The following WDR93 variants were observed in gnomAD, a reference collection of about 807,000 sequenced individuals.
WDR93 encodes WD repeat domain 93.
A neutral mutation model predicts 82.9 loss-of-function variants in WDR93; 73 were observed. The ratio of observed to expected loss-of-function variants is 0.88; its 90% confidence interval spans 0.73 to 1.07. The LOEUF is 1.07. Ranked by LOEUF, WDR93 falls within the 50% of genes least tolerant of loss-of-function variation. The pLI, the probability that WDR93 is intolerant of heterozygous loss-of-function variation, is 0.00. For synonymous variants in WDR93, 283 were observed against 300.1 expected (o/e 0.94, Z 0.59); for missense variants, 738 against 826.0 (o/e 0.89, Z 1.31).
intron 16 of WDR93, 128 bp downstream of exon 16, chr15:89,738,364 C>G: frequency 1.8e-6 from 2 of 1,138,614 alleles, no homozygotes; most frequent in Non-Finnish European, 2.4e-6. Flanking sequence ...TGGTGGCTCA[C>G]GCCTGTAATC....
intron 3 of WDR93, chr15:89,705,032 C>T (rs1965663675): frequency 6.2e-6 from 1 of 160,938 alleles, no homozygotes; most frequent in Non-Finnish European, 1.3e-5. Context: ...TGGTTGTATA[C>T]TGGAGCCATT....
chr15:89,722,664 G>A (rs1966572851), intron 8 of WDR93, among the ~76,000 whole-genome samples: 5 of 152,168 alleles, frequency 3.3e-5, no homozygotes, highest in Admixed American at 2.6e-4. Context: ...AGGGTAAGAA[G>A]CGACTGACTT....
intron 5 of WDR93, among the ~76,000 whole-genome samples, chr15:89,712,462 T>C (rs1966036082): frequency 6.7e-6 from 1 of 148,940 alleles, no homozygotes; most frequent in Admixed American, 6.7e-5. Context: ...ATTTAGTCAT[T>C]GTGTCTCCTT....
chr15:89,731,910 C>T (rs1201252437), intron 12 of WDR93, among the ~76,000 whole-genome samples: 1 of 152,182 alleles, frequency 6.6e-6, no homozygotes, highest in Non-Finnish European at 1.5e-5. Context: ...TTCCTCTTCC[C>T]AGCCCCCAAG....
At chr15:89,727,521 T>C (rs1280081974) in intron 9 of WDR93, among the ~76,000 whole-genome samples, 193 bp downstream of exon 9, 1 of 152,144 alleles carries the variant, frequency 6.6e-6, no homozygotes, top group African/African-American at 2.4e-5. Context: ...AGCCCCCAAA[T>C]CTGAGACCAG....
chr15:89,701,971 T>G lies in WDR93; in HGVS notation c.225T>G (p.Ile75Met). The change falls in exon 2 of 17, where the codon ATT (isoleucine) becomes ATG (methionine). Residue 75 changes from isoleucine to methionine, a missense_variant. Coordinates refer to ENST00000268130, the MANE Select transcript of WDR93 (RefSeq NM_020212.2). ...TGTTTGACCAGTCTTGGGAAATTAT[T>G]GAAGAGAGAAACGCACTGAGGGAAG... ...NLLFDQSWEI[I>M]EERNALREAE... 4 of 1,613,918 alleles carry G rather than the reference T, an allele frequency of 2.5e-6. No homozygotes were observed. The highest frequency in any genetic ancestry group is 3.4e-6 in the Non-Finnish European group (4 of 1,180,036).
intron 6 of WDR93, among the ~76,000 whole-genome samples, chr15:89,715,899 A>G (rs1966229270): frequency 6.6e-6 from 1 of 152,150 alleles, no homozygotes; most frequent in African/African-American, 2.4e-5. Context: ...TATGTTTTTA[A>G]GATATAGTTG....
chr15:89,738,751 AAAG>A (rs1304833032), intron 16 of WDR93, among the ~76,000 whole-genome samples: 1 of 152,162 alleles, frequency 6.6e-6, no homozygotes, highest in Non-Finnish European at 1.5e-5. Context: ...GGCTGGGAGA[AAAG>A]AAGGGCTTCC....
intron 1 of WDR93, among the ~76,000 whole-genome samples, chr15:89,700,584 G>A (rs1296999046): frequency 1.5e-5 from 2 of 132,540 alleles, no homozygotes; most frequent in Non-Finnish European, 3.1e-5. Context: ...TTTTTTTGAG[G>A]CAAGGTCTCA....
chr15:89,690,562 T>G, upstream of WDR93: 1 of 1,548,870 alleles, frequency 6.5e-7, no homozygotes, highest in Non-Finnish European at 8.7e-7. Context: ...CGGAGGCCGC[T>G]GGCACCTGAC....
At chr15:89,696,447 T>C (rs967864470) in intron 1 of WDR93, among the ~76,000 whole-genome samples, 4 of 151,584 alleles carry the variant, frequency 2.6e-5, no homozygotes, top group Non-Finnish European at 5.9e-5. Flanking sequence ...TCATAAACAT[T>C]TGTGTAGAGG....
chr15:89,721,558 A>G (rs1045597194), intron 7 of WDR93: 2 of 155,144 alleles, frequency 1.3e-5, no homozygotes, highest in African/African-American at 4.8e-5. Flanking sequence ...TGTCTCTCAC[A>G]CACACACGCA....
At chr15:89,695,382 G>T (rs1187551560) in intron 1 of WDR93, among the ~76,000 whole-genome samples, 2 of 152,162 alleles carry the variant, frequency 1.3e-5, no homozygotes, top group Non-Finnish European at 2.9e-5. Flanking sequence ...TGCCCAAACT[G>T]GAGTGCAGCA....
chr15:89,709,868 A>AT (rs1965884231), intron 4 of WDR93, among the ~76,000 whole-genome samples: 1 of 152,058 alleles, frequency 6.6e-6, no homozygotes, highest in African/African-American at 2.4e-5. Context: ...AATAAAAAAA[A>AT]AAATAATCAA....
At position 89,737,548 on chromosome 15, in the gene WDR93, C is replaced by T. The variant is rs755684377; in HGVS notation, c.1609-25C>T. 3.7e-6 allele frequency: 6 copies of T among 1,613,894 alleles called. No individual in the cohort carries two copies. The African/African-American group carries it at 8.0e-5, about 22-fold the overall frequency. Reference sequence around the variant, plus strand: ...GAGGGACAGAGTCCAGTAGAAGCCCCCCTCACCATCTCTTTGCTTCCCAGG... The same window carrying T: ...GAGGGACAGAGTCCAGTAGAAGCCCTCCTCACCATCTCTTTGCTTCCCAGG... On this transcript the variant is annotated intron_variant, in intron 14 of 16. Transcript: ENST00000268130.
At chr15:89,700,835 G>A (rs995448462) in intron 1 of WDR93, among the ~76,000 whole-genome samples, 2 of 152,028 alleles carry the variant, frequency 1.3e-5, no homozygotes, top group African/African-American at 4.8e-5. Flanking sequence ...GGGATTATGG[G>A]CATGAACCAC....
At chr15:89,736,709 A>G (rs2141712287) in intron 14 of WDR93, among the ~76,000 whole-genome samples, 1 of 150,552 alleles carries the variant, frequency 6.6e-6, no homozygotes, top group South Asian at 2.1e-4. Flanking sequence ...GAGGTGGGGG[A>G]GTGGACAGGG....
Position 89,729,094 on chromosome 15 carries a change from G to A in WDR93, c.1123+1G>A. ...CCACCGGAAGTCAAGGGCCCCTCAG[G>A]TAAATGAACATGAAGTGGGTGGTTG... On this transcript the variant is annotated splice_donor_variant, in intron 10 of 16. Coordinates refer to ENST00000268130, the MANE Select transcript of WDR93 (RefSeq NM_020212.2). LOFTEE classifies it high-confidence loss of function. The A allele has an allele frequency of 6.2e-7, 1 of 1,613,822 alleles. No homozygotes were observed. The highest frequency in any genetic ancestry group is 2.2e-5 in the East Asian group (1 of 44,868).
Position 89,705,774 on chromosome 15 carries a change from G to A in WDR93, c.561+156G>A, listed in dbSNP as rs542086685. ...TCCAAAATATCCATTTAAAAGATCC[G>A]CGACCATCAAAGGGTACATGCTGAA... On this transcript the variant is annotated intron_variant, in intron 4 of 16. Transcript: ENST00000268130. 1.5e-3 allele frequency among the ~76,000 whole-genome samples: 221 copies of A among 152,244 alleles called. 1 individual carries two copies. The highest frequency in any genetic ancestry group is 5.1e-3 in the African/African-American group (212 of 41,540).
Sources: allele counts gnomAD v4.1 joint callset (sites outside exome capture counted in the v4.1 genomes callset), GRCh38; gene constraint gnomAD v4.1.1; transcripts MANE v1.5; gene names NCBI Gene and HGNC (gene_info 2026-07-23, HGNC 2026-07-21).